Variants in SPINK5 observed in about 807,000 individuals in gnomAD.
SPINK5 encodes the protein serine peptidase inhibitor Kazal type 5.
In SPINK5, 125 loss-of-function variants were observed where a neutral mutation model predicts 151.8. That is an observed-to-expected ratio of 0.82 (90% CI 0.71 to 0.96). SPINK5 has a LOEUF of 0.96. Among genes scored for constraint, SPINK5 ranks in the 40% least tolerant of loss-of-function variants. The pLI is 0.00. For missense variants in SPINK5, 1,194 were observed against 1,291.9 expected (o/e 0.92, Z 1.16); for synonymous variants, 374 against 395.3 (o/e 0.95, Z 0.64).
At chr5:148,121,583 A>G (rs572969841) in intron 26 of SPINK5, among the ~76,000 whole-genome samples, 1 of 152,036 alleles carries the variant, frequency 6.6e-6, no homozygotes, top group Admixed American at 6.5e-5. Context: ...TTTTAATTTT[A>G]TGATCCTTAT....
At position 148,113,116 on chromosome 5, in the gene SPINK5, G is replaced by T. The variant is rs41291433; in HGVS notation, c.1887+182G>T. Among the ~76,000 whole-genome samples the T allele has an allele frequency of 0.15, 23,255 of 151,980 alleles. 2,437 individuals carry two copies. The highest frequency in any genetic ancestry group is 0.32 in the East Asian group (1,659 of 5,156). ...AGATATTTCTGTTTTTGTGGCCATAGAATCTCTGTCACAACTACTCCACTT... is the reference window on the plus strand; with the variant it reads ...AGATATTTCTGTTTTTGTGGCCATATAATCTCTGTCACAACTACTCCACTT... On this transcript the variant is annotated intron_variant, in intron 20 of 32. Coordinates refer to ENST00000256084, the MANE Select transcript of SPINK5 (RefSeq NM_006846.4).
At chr5:148,105,959 A>C (rs1753772419) in intron 16 of SPINK5, among the ~76,000 whole-genome samples, 1 of 152,034 alleles carries the variant, frequency 6.6e-6, no homozygotes, top group Admixed American at 6.6e-5. Flanking sequence ...CCACAACAGT[A>C]CAAACCTCAT....
intron 32 of SPINK5, among the ~76,000 whole-genome samples, chr5:148,135,981 T>TTTGA (rs1478949471): frequency 2.6e-5 from 4 of 152,150 alleles, no homozygotes; most frequent in Non-Finnish European, 4.4e-5. Flanking sequence ...ACAATAGTCA[T>TTTGA]TTGATTAGGG....
chr5:148,067,214 G>A (rs1475526929), intron 2 of SPINK5, among the ~76,000 whole-genome samples: 2 of 152,176 alleles, frequency 1.3e-5, no homozygotes, highest in Non-Finnish European at 2.9e-5. Context: ...GCAGCTCCTG[G>A]AGGGTTTTAT....
rs1263060411 is a variant in SPINK5 at position 148,104,988 on chromosome 5, A to G, written c.1467A>G (p.Arg489=). The change falls in exon 16 of 33, where the codon AGA becomes AGG. Residue 489 remains arginine, a synonymous_variant. Coordinates refer to ENST00000256084, the MANE Select transcript of SPINK5 (RefSeq NM_006846.4). ...AAAGAGCAAGAGCAAAGGCTAAAAG[A>G]GAAGCTGCAAAGGTAATATTCTCAG... The part of the protein sequence containing the change: ...QEERARAKAK[R]EAAKEICSEF... 1.9e-6 allele frequency: 3 copies of G among 1,614,018 alleles called. No individual in the cohort carries two copies. The highest frequency in any genetic ancestry group is 2.2e-5 in the East Asian group (1 of 44,858).
intron 20 of SPINK5, 133 bp from the exon 21 acceptor site, chr5:148,114,229 T>C: frequency 9.6e-7 from 1 of 1,040,108 alleles, no homozygotes; most frequent in Non-Finnish European, 1.3e-6. Context: ...AATTGAACAC[T>C]ATAACTGCCA....
intron 15 of SPINK5, among the ~76,000 whole-genome samples, chr5:148,102,789 A>G (rs571434244): frequency 6.6e-6 from 1 of 152,270 alleles, no homozygotes; most frequent in Non-Finnish European, 1.5e-5. Context: ...TTAAAATGGA[A>G]AAGAGCTATA....
intron 32 of SPINK5, 44 bp from the exon 33 acceptor site, chr5:148,136,939 T>C: frequency 6.2e-7 from 1 of 1,612,564 alleles, no homozygotes; most frequent in South Asian, 1.1e-5. Flanking sequence ...ATTTCTGCAA[T>C]ATCTCTGGGT....
chr5:148,096,052 A>T (rs1376500724), intron 10 of SPINK5, 147 bp downstream of exon 10: 18 of 665,456 alleles, frequency 2.7e-5, no homozygotes, highest in Non-Finnish European at 4.7e-5. Flanking sequence ...ACTAATTTCT[A>T]GTTATTATTT....
chr5:148,111,635 G>C (rs1753930559), intron 18 of SPINK5, 133 bp from the exon 19 acceptor site: 3 of 1,298,412 alleles, frequency 2.3e-6, no homozygotes, highest in Non-Finnish European at 3.3e-6. Flanking sequence ...AAAGCATTTT[G>C]GTTACTATCA....
intron 26 of SPINK5, among the ~76,000 whole-genome samples, chr5:148,122,750 T>TTG (rs1561703168): frequency 1.3e-5 from 2 of 151,702 alleles, no homozygotes; most frequent in South Asian, 2.1e-4. Flanking sequence ...ATTTAATAGC[T>TTG]CTGAGATTTA....
chr5:148,120,531 C>A, intron 26 of SPINK5, 140 bp downstream of exon 26: 1 of 1,102,482 alleles, frequency 9.1e-7, no homozygotes, highest in Non-Finnish European at 1.3e-6. Context: ...ATGGCCAGAT[C>A]TTGAAAATAA....
intron 26 of SPINK5, among the ~76,000 whole-genome samples, chr5:148,122,335 A>G (rs888150453): frequency 2.0e-5 from 3 of 152,224 alleles, no homozygotes; most frequent in African/African-American, 7.2e-5. Context: ...GTTGATAGGT[A>G]TTTAATTCCA....
rs757295553 is a variant in SPINK5 at position 148,114,372 on chromosome 5, A to G, written c.1898A>G (p.Asp633Gly). 1.7e-5 allele frequency: 27 copies of G among 1,612,344 alleles called. No homozygotes were observed. Among genetic ancestry groups the G allele is most frequent in the Non-Finnish European group, 2.0e-5 (23 of 1,179,142 alleles). The change falls in exon 21 of 33, where the codon GAT becomes GGT. Residue 633 changes from aspartate to glycine, a missense_variant. Physicochemically the swap from Asp to Gly is moderately conservative, Grantham distance 94. Coordinates refer to ENST00000256084, the MANE Select transcript of SPINK5 (RefSeq NM_006846.4). ...VKREAEKETC[D>G]EFRRLLQNGK... is the part of the protein sequence containing the mutation. ...TTCTTTTCCTTTTAGGAGACATGCG[A>G]TGAATTTCGGAGACTTTTGCAAAAT...
Position 148,063,983 on chromosome 5 carries a change from C to T in SPINK5, c.-62C>T. 1 of 1,580,398 alleles carries T rather than the reference C, an allele frequency of 6.3e-7. No individual in the cohort carries two copies. Among genetic ancestry groups the T allele is most frequent in the Non-Finnish European group, 8.7e-7 (1 of 1,149,594 alleles). On this transcript the variant is annotated 5_prime_UTR_variant, in exon 1 of 33. Coordinates refer to ENST00000256084, the MANE Select transcript of SPINK5 (RefSeq NM_006846.4). ...TAAACTGCATCGCCCCGAGTTCAGTCATACTGCACCAGCTGAGCAATGCAT... is the reference window on the plus strand; with the variant it reads ...TAAACTGCATCGCCCCGAGTTCAGTTATACTGCACCAGCTGAGCAATGCAT...
chr5:148,119,155 G>T (rs1754185376), intron 24 of SPINK5, 97 bp downstream of exon 24: 3 of 1,232,566 alleles, frequency 2.4e-6, no homozygotes, highest in African/African-American at 1.5e-5. Flanking sequence ...GATCAAGCTA[G>T]AGCTTGCCCT....
chr5:148,097,030 AT>A (rs1377108225), intron 10 of SPINK5, among the ~76,000 whole-genome samples: 2 of 149,564 alleles, frequency 1.3e-5, no homozygotes, highest in African/African-American at 2.5e-5. Flanking sequence ...TTTATTTCCA[AT>A]TTTTCTCCTT....
intron 10 of SPINK5, among the ~76,000 whole-genome samples, chr5:148,096,921 G>A (rs1753484655): frequency 3.3e-5 from 5 of 151,444 alleles, no homozygotes; most frequent in Admixed American, 2.6e-4. Context: ...ACTACACATA[G>A]CTTAAGCCTC....
At chr5:148,089,395 T>C in intron 6 of SPINK5, 99 bp from the exon 7 acceptor site, 16 of 1,538,640 alleles carry the variant, frequency 1.0e-5, no homozygotes, top group Non-Finnish European at 1.3e-5. Flanking sequence ...AAGTGGCCCA[T>C]AGCAATGTCA....
Sources: gnomAD v4.1 joint callset for allele counts (sites outside exome capture counted in the v4.1 genomes callset) on GRCh38, gnomAD v4.1.1 for gene constraint, MANE v1.5 for transcripts, NCBI Gene and HGNC (gene_info 2026-07-23, HGNC 2026-07-21) for gene names.